SCD5: variants seen among roughly 807,000 people sequenced by gnomAD.
SCD5 encodes stearoyl-CoA desaturase 5.
In SCD5, 20 loss-of-function variants were observed where a neutral mutation model predicts 30.4. The observed-to-expected ratio is 0.66, with a 90% CI of 0.46 to 0.96. SCD5 has a LOEUF of 0.96. SCD5 is among the 40% of genes least tolerant of loss of function. SCD5 has a pLI of 0.00. For missense variants in SCD5, 381 were observed against 443.3 expected (o/e 0.86, Z 1.26); for synonymous variants, 173 against 176.4 (o/e 0.98, Z 0.16).
At position 82,691,310 on chromosome 4, in the gene SCD5, G is replaced by C. The variant is rs576958518; in HGVS notation, c.364-10398C>G. On this transcript the variant is annotated intron_variant, in intron 2 of 4. Transcript: ENST00000319540. The stretch of plus-strand genomic sequence containing the variant: ...CCAAGTGTTGGGATTACAGCTGTGA[G>C]CCACTGCGCCTGGCCAGCAAGGCCA... Among the ~76,000 whole-genome samples the C allele has an allele frequency of 3.3e-5, 5 of 152,342 alleles. No individual in the cohort carries two copies. In the East Asian group the frequency reaches 9.6e-4, roughly 29 times the overall value.
At chr4:82,780,874 G>C (rs1354843010) in intron 1 of SCD5, among the ~76,000 whole-genome samples, 1 of 152,246 alleles carries the variant, frequency 6.6e-6, no homozygotes, top group Non-Finnish European at 1.5e-5. Flanking sequence ...ACAGCGTCAG[G>C]GGAGGTCCGG....
At chr4:82,709,618 G>A (rs1024619461) in intron 1 of SCD5, among the ~76,000 whole-genome samples, 2 of 152,192 alleles carry the variant, frequency 1.3e-5, no homozygotes, top group Non-Finnish European at 2.9e-5. Context: ...ACTCACAGAT[G>A]CAAAGCCCTC....
chr4:82,725,191 G>A (rs1355568683), intron 1 of SCD5, among the ~76,000 whole-genome samples: 1 of 152,132 alleles, frequency 6.6e-6, no homozygotes, highest in Non-Finnish European at 1.5e-5. Flanking sequence ...TAACTCCCCT[G>A]AACTTCAGAA....
chr4:82,676,557 T>C (rs926964546), intron 3 of SCD5, among the ~76,000 whole-genome samples: 1 of 152,226 alleles, frequency 6.6e-6, no homozygotes, highest in Non-Finnish European at 1.5e-5. Flanking sequence ...CTAGGCTCTA[T>C]GTATTTCCTG....
At chr4:82,708,752 C>T (rs1255573957) in intron 1 of SCD5, among the ~76,000 whole-genome samples, 1 of 152,142 alleles carries the variant, frequency 6.6e-6, no homozygotes, top group Non-Finnish European at 1.5e-5. Context: ...TGTTAAAAAG[C>T]AAAAGTTAAA....
At chr4:82,677,779 C>T (rs1436737767) in intron 3 of SCD5, among the ~76,000 whole-genome samples, 1 of 152,158 alleles carries the variant, frequency 6.6e-6, no homozygotes, top group Non-Finnish European at 1.5e-5. Flanking sequence ...ATCTAAGATG[C>T]ATGTACTTCT....
chr4:82,648,121 C>G (rs574206927), intron 3 of SCD5, among the ~76,000 whole-genome samples: 35 of 152,334 alleles, frequency 2.3e-4, no homozygotes, highest in Non-Finnish European at 8.8e-5. Flanking sequence ...CTGCACTGGC[C>G]ACTATTTGCT....
chr4:82,670,262 C>T (rs898676143), intron 3 of SCD5, among the ~76,000 whole-genome samples: 79 of 151,914 alleles, frequency 5.2e-4, no homozygotes, highest in African/African-American at 1.8e-3. Context: ...CTGTAACAGA[C>T]ACAGTAGGTA....
At chr4:82,765,009 G>A (rs1375587830) in intron 1 of SCD5, among the ~76,000 whole-genome samples, 1 of 152,164 alleles carries the variant, frequency 6.6e-6, no homozygotes, top group Admixed American at 6.5e-5. Flanking sequence ...ATACAGTCAT[G>A]AGCCACCATG....
At chr4:82,771,082 T>TC (rs1721611065) in intron 1 of SCD5, among the ~76,000 whole-genome samples, 9 of 152,200 alleles carry the variant, frequency 5.9e-5, no homozygotes, top group African/African-American at 1.9e-4. Flanking sequence ...TCCTCCCACC[T>TC]CAGCCTCCTG....
intron 1 of SCD5, among the ~76,000 whole-genome samples, chr4:82,707,702 G>A (rs1719998222): frequency 6.6e-6 from 1 of 152,200 alleles, no homozygotes; most frequent in Admixed American, 6.5e-5. Flanking sequence ...AAGGAAATGA[G>A]GCCCCCAGTC....
intron 1 of SCD5, among the ~76,000 whole-genome samples, chr4:82,730,302 T>C (rs1440550959): frequency 6.8e-6 from 1 of 148,070 alleles, no homozygotes; most frequent in African/African-American, 2.5e-5. Flanking sequence ...AAATGTATAA[T>C]ATATATATTT....
intron 3 of SCD5, among the ~76,000 whole-genome samples, chr4:82,657,430 A>G (rs1187339203): frequency 1.3e-5 from 2 of 152,110 alleles, no homozygotes; most frequent in Non-Finnish European, 2.9e-5. Flanking sequence ...ATTATTTCTG[A>G]GGCTTCTGTT....
intron 2 of SCD5, among the ~76,000 whole-genome samples, chr4:82,695,010 C>T (rs1719667510): frequency 7.7e-6 from 1 of 130,608 alleles, no homozygotes; most frequent in Non-Finnish European, 1.6e-5. Context: ...GCCTGGGGAC[C>T]CCACTACTGT....
chr4:82,747,397 C>T (rs2148841160), intron 1 of SCD5, among the ~76,000 whole-genome samples: 1 of 152,308 alleles, frequency 6.6e-6, no homozygotes, highest in Non-Finnish European at 1.5e-5. Flanking sequence ...CTCCCTGGCT[C>T]CAAAGCTCAT....
At chr4:82,730,788 G>T (rs1391571013) in intron 1 of SCD5, among the ~76,000 whole-genome samples, 3 of 152,020 alleles carry the variant, frequency 2.0e-5, no homozygotes, top group Non-Finnish European at 2.9e-5. Flanking sequence ...GTTTCACCAT[G>T]TTAGCCAAGA....
intron 3 of SCD5, among the ~76,000 whole-genome samples, chr4:82,656,131 G>A (rs1727862864): frequency 6.6e-6 from 1 of 151,974 alleles, no homozygotes; most frequent in African/African-American, 2.4e-5. Flanking sequence ...TAAGTTCTGG[G>A]ATACATTGCA....
chr4:82,724,482 G>T (rs1720431768), intron 1 of SCD5, among the ~76,000 whole-genome samples: 1 of 152,142 alleles, frequency 6.6e-6, no homozygotes. Flanking sequence ...AACAGACCTT[G>T]CTTTGTACAG....
intron 2 of SCD5, among the ~76,000 whole-genome samples, chr4:82,693,536 G>A (rs911127543): frequency 3.3e-5 from 5 of 151,732 alleles, no homozygotes; most frequent in Admixed American, 2.0e-4. Context: ...GAGCTTATTG[G>A]AAATTACTCT....
Sources: allele counts gnomAD v4.1 joint callset (sites outside exome capture counted in the v4.1 genomes callset), GRCh38; gene constraint gnomAD v4.1.1; transcripts MANE v1.5; gene names NCBI Gene and HGNC (gene_info 2026-07-23, HGNC 2026-07-21).